The following SLC39A11 variants were observed in gnomAD, a reference collection of about 807,000 sequenced individuals.
SLC39A11 encodes the protein zinc transporter ZIP11.
SLC39A11 carries 33 observed loss-of-function variants against 36.1 expected under a neutral mutation model. The observed-to-expected ratio is 0.91, with a 90% CI of 0.69 to 1.22. The LOEUF is 1.22. SLC39A11 is among the 50% of genes most tolerant of loss of function. The pLI is 0.00. For missense variants in SLC39A11, 432 were observed against 430.3 expected (o/e 1.00, Z -0.03); for synonymous variants, 166 against 170.3 (o/e 0.97, Z 0.20).
chr17:72,758,447 T>C (rs997481338), intron 6 of SLC39A11, among the ~76,000 whole-genome samples: 2 of 152,220 alleles, frequency 1.3e-5, no homozygotes, highest in Admixed American at 6.5e-5. Context: ...GAAATGTGCC[T>C]GGATAAAAAT....
At chr17:72,866,170 C>T (rs1567849877) in intron 5 of SLC39A11, among the ~76,000 whole-genome samples, 1 of 152,196 alleles carries the variant, frequency 6.6e-6, no homozygotes, top group African/African-American at 2.4e-5. Flanking sequence ...TAAGCTCCAC[C>T]TCCCGTCAGA....
intron 5 of SLC39A11, among the ~76,000 whole-genome samples, chr17:72,865,880 CCA>C (rs1299100242): frequency 2.0e-5 from 3 of 152,168 alleles, no homozygotes; most frequent in African/African-American, 7.2e-5. Flanking sequence ...AAAATAAAAT[CCA>C]CAGTCATTTC....
chr17:72,735,697 T>G (rs2074398538), intron 7 of SLC39A11, among the ~76,000 whole-genome samples: 8 of 152,210 alleles, frequency 5.3e-5, no homozygotes, highest in Admixed American at 5.2e-4. Context: ...TTTAGTCCCC[T>G]GAAGCCACTT....
At chr17:72,855,931 T>G (rs962614892) in intron 5 of SLC39A11, among the ~76,000 whole-genome samples, 4 of 151,968 alleles carry the variant, frequency 2.6e-5, no homozygotes, top group Admixed American at 2.0e-4. Context: ...GGGGATCAAC[T>G]TATATTGTCC....
At chr17:72,769,071 T>A (rs941365611) in intron 6 of SLC39A11, among the ~76,000 whole-genome samples, 1 of 152,154 alleles carries the variant, frequency 6.6e-6, no homozygotes, top group Non-Finnish European at 1.5e-5. Context: ...ACTTCTTGGC[T>A]TTTAGATCAC....
chr17:72,656,843 A>G (rs1232700731), intron 7 of SLC39A11, among the ~76,000 whole-genome samples: 1 of 151,784 alleles, frequency 6.6e-6, no homozygotes, highest in Admixed American at 6.6e-5. Context: ...TATTTTTATT[A>G]TTTTTTTTAA....
intron 7 of SLC39A11, among the ~76,000 whole-genome samples, chr17:72,675,580 A>G (rs1324355193): frequency 6.6e-6 from 1 of 152,164 alleles, no homozygotes; most frequent in African/African-American, 2.4e-5. Context: ...TTAGCTGCCA[A>G]CAGGCTGAGC....
At chr17:72,850,463 A>G (rs1362920910) in intron 5 of SLC39A11, among the ~76,000 whole-genome samples, 1 of 106,958 alleles carries the variant, frequency 9.3e-6, no homozygotes, top group African/African-American at 3.1e-5. Flanking sequence ...CAAAAAAGAA[A>G]AAGAAAAAAA....
At position 72,646,615 on chromosome 17, in the gene SLC39A11, T is replaced by A. The variant is rs1189119724; in HGVS notation, c.*969A>T. 3.3e-5 allele frequency: 5 copies of A among 152,604 alleles called. No homozygotes were observed. In the East Asian group the frequency reaches 9.6e-4, roughly 29 times the overall value. The allele number at this position is 152,604 out of a possible 1,614,324, so 9.5% of individuals were successfully genotyped here. A position where few individuals can be genotyped will look rare whatever the true frequency, so the allele number is the denominator to read the frequency against. ...TTTTGTCAGATTATAAGTTACCAAATGGTCAACAGGGAAGGACCCACAGCA... is the reference window on the plus strand; with the variant it reads ...TTTTGTCAGATTATAAGTTACCAAAAGGTCAACAGGGAAGGACCCACAGCA... On this transcript the variant is annotated 3_prime_UTR_variant, in exon 10 of 10. Transcript: ENST00000255559.
chr17:73,064,522 A>G (rs1272633212), intron 3 of SLC39A11, among the ~76,000 whole-genome samples: 1 of 152,186 alleles, frequency 6.6e-6, no homozygotes, highest in Non-Finnish European at 1.5e-5. Flanking sequence ...TAAGCAGCTC[A>G]GCTAGAAATA....
At chr17:73,052,909 C>T (rs973969550) in intron 3 of SLC39A11, among the ~76,000 whole-genome samples, 1 of 152,180 alleles carries the variant, frequency 6.6e-6, no homozygotes, top group African/African-American at 2.4e-5. Flanking sequence ...CCATGTTGGC[C>T]AGGCTGGTCT....
At chr17:72,883,365 A>G (rs2081299243) in intron 5 of SLC39A11, among the ~76,000 whole-genome samples, 1 of 152,172 alleles carries the variant, frequency 6.6e-6, no homozygotes, top group Non-Finnish European at 1.5e-5. Context: ...GGCTGCTGCC[A>G]AAAACCTGGA....
rs565518411 is a variant in SLC39A11, at chr17:72,692,244, C to T, written c.672-42976G>A. On this transcript the variant is annotated intron_variant, in intron 7 of 9. Transcript: ENST00000255559. ...GCCAGGATGGTCTCGATCTCCTGAC[C>T]TTGCGAACCACCCGCCTCGGCCTCC... is the stretch of plus-strand genomic sequence containing the variant. Among the ~76,000 whole-genome samples the T allele has an allele frequency of 4.6e-5, 7 of 152,294 alleles. No homozygotes were observed. In the South Asian group the frequency reaches 8.3e-4, roughly 18 times the overall value.
chr17:72,773,158 A>T (rs568034757), intron 6 of SLC39A11, among the ~76,000 whole-genome samples: 20 of 152,340 alleles, frequency 1.3e-4, no homozygotes, highest in African/African-American at 4.3e-4. Flanking sequence ...AGTTGGTTAG[A>T]CAGGCTATGC....
intron 6 of SLC39A11, among the ~76,000 whole-genome samples, chr17:72,764,170 C>T (rs1400579385): frequency 6.6e-6 from 1 of 152,088 alleles, no homozygotes; most frequent in African/African-American, 2.4e-5. Context: ...TGTCTCTTCC[C>T]GGGCCTCACT....
intron 6 of SLC39A11, among the ~76,000 whole-genome samples, chr17:72,792,993 C>T (rs1393671361): frequency 2.6e-5 from 4 of 151,966 alleles, no homozygotes; most frequent in African/African-American, 4.8e-5. Context: ...GGGGTGGGGG[C>T]GAGGGACAAA....
At chr17:72,675,223 T>A in intron 7 of SLC39A11, among the ~76,000 whole-genome samples, 1 of 152,132 alleles carries the variant, frequency 6.6e-6, no homozygotes, top group East Asian at 1.9e-4. Context: ...GGTCACTAGG[T>A]CATGAGGGAT....
chr17:72,764,834 C>T (rs2075709519), intron 6 of SLC39A11, among the ~76,000 whole-genome samples: 1 of 152,164 alleles, frequency 6.6e-6, no homozygotes, highest in Admixed American at 6.5e-5. Context: ...CAAAAACCAA[C>T]CACAAAAAGT....
At chr17:72,982,686 C>T (rs1008000477) in intron 4 of SLC39A11, among the ~76,000 whole-genome samples, 1 of 133,208 alleles carries the variant, frequency 7.5e-6, no homozygotes, top group African/African-American at 2.7e-5. Flanking sequence ...TAATTCGTTG[C>T]CAAGTCTTTT....
Sources: gnomAD v4.1 joint callset for allele counts (sites outside exome capture counted in the v4.1 genomes callset) on GRCh38, gnomAD v4.1.1 for gene constraint, MANE v1.5 for transcripts, NCBI Gene and HGNC (gene_info 2026-07-23, HGNC 2026-07-21) for gene names.